Variants in CHCHD3 observed in about 807,000 individuals in gnomAD.
The protein encoded by CHCHD3 is coiled-coil-helix-coiled-coil-helix domain containing 3, also known as MICOS complex subunit MIC19.
Under a neutral mutation model 38.2 loss-of-function variants are expected in CHCHD3, and 20 were observed. That is an observed-to-expected ratio of 0.52 (90% CI 0.37 to 0.76). CHCHD3 has a LOEUF of 0.76. Among genes scored for constraint, CHCHD3 ranks in the 30% least tolerant of loss-of-function variants. The probability of loss-of-function intolerance (pLI) is 0.00; values close to 1 mark genes in which losing one functional copy is unlikely to be tolerated. For missense variants in CHCHD3, 245 were observed against 279.2 expected (o/e 0.88, Z 0.87); for synonymous variants, 82 against 100.0 (o/e 0.82, Z 1.07).
intron 7 of CHCHD3, among the ~76,000 whole-genome samples, chr7:132,786,121 T>A (rs1311302541): frequency 6.6e-6 from 1 of 152,230 alleles, no homozygotes; most frequent in East Asian, 1.9e-4. Context: ...GAGGGTGCAG[T>A]GAGCCATGAT....
At chr7:133,054,026 T>A (rs1814241808) in intron 2 of CHCHD3, among the ~76,000 whole-genome samples, 1 of 152,204 alleles carries the variant, frequency 6.6e-6, no homozygotes, top group Admixed American at 6.5e-5. Flanking sequence ...AGTGCACAAA[T>A]GCTATTTTAA....
chr7:132,875,886 T>G (rs985632765), intron 5 of CHCHD3, among the ~76,000 whole-genome samples: 1 of 152,228 alleles, frequency 6.6e-6, no homozygotes, highest in Non-Finnish European at 1.5e-5. Context: ...ATATGCCAAA[T>G]TCAGATGTGG....
chr7:132,785,281 T>A lies in CHCHD3; in HGVS notation c.*356A>T. 1 of 221,360 alleles carries A rather than the reference T, an allele frequency of 4.5e-6. No homozygotes were observed. 13.7% of individuals were successfully genotyped at this position (221,360 alleles called of 1,614,324 possible). A position where few individuals can be genotyped will look rare whatever the true frequency, so the allele number is the denominator to read the frequency against. ...CCAACCCCATCCTACTTTGTTAGGG[T>A]GGAGGTTCACCAAATGATGGGGCTT... On this transcript the variant is annotated 3_prime_UTR_variant, in exon 8 of 8. Coordinates refer to ENST00000262570, the MANE Select transcript of CHCHD3 (RefSeq NM_017812.4).
chr7:133,035,316 G>A lies in CHCHD3; in HGVS notation c.170-10689C>T. On this transcript the variant is annotated intron_variant, in intron 2 of 7. Coordinates refer to ENST00000262570, the MANE Select transcript of CHCHD3 (RefSeq NM_017812.4). This position sits in a 1 kb window ranked among gnomAD's most constrained non-coding sequence, Gnocchi z 4.7. ...ACACAGTTTCAGTTCCCCCAAGACA[G>A]CCCGGAACTGGGGCTGGTTAATGCA... 1.1e-5 allele frequency: 18 copies of A among 1,611,010 alleles called. No individual in the cohort carries two copies. Among genetic ancestry groups the A allele is most frequent in the Non-Finnish European group, 1.4e-5 (17 of 1,177,230 alleles).
At position 132,885,575 on chromosome 7, in the gene CHCHD3, T is replaced by C. The variant is rs933748300; in HGVS notation, c.453+87A>G. ...GCCACTTTACAACCAGGAAAAGCAG[T>C]TGAAGTTCTAATTTATTAATTTTTA... is the stretch of plus-strand genomic sequence containing the variant. On this transcript the variant is annotated intron_variant, in intron 5 of 7. Coordinates refer to ENST00000262570, the MANE Select transcript of CHCHD3 (RefSeq NM_017812.4). 5.5e-5 allele frequency: 58 copies of C among 1,060,426 alleles called. No homozygotes were observed. The African/African-American group carries it at 7.8e-4, about 14-fold the overall frequency. The allele number at this position is 1,060,426 out of a possible 1,614,324, so 65.7% of individuals were successfully genotyped here.
chr7:133,050,343 A>T (rs1330887750), intron 2 of CHCHD3, among the ~76,000 whole-genome samples: 3 of 92,764 alleles, frequency 3.2e-5, no homozygotes, highest in African/African-American at 1.9e-4. Flanking sequence ...TGTGTCTTAA[A>T]AAAAAAAAAA....
chr7:132,976,770 A>G (rs1811778326), intron 3 of CHCHD3, among the ~76,000 whole-genome samples: 1 of 152,178 alleles, frequency 6.6e-6, no homozygotes, highest in Non-Finnish European at 1.5e-5. Context: ...AAAAAACTAG[A>G]GATAAAATTT....
chr7:132,856,118 C>T lies in CHCHD3; in HGVS notation c.454-17649G>A, dbSNP rs1808337774. ...GATCTTTCAGTCTGGCATGATGTCA[C>T]TTTCTCACATCTTCCATGTGGGCTG... On this transcript the variant is annotated intron_variant, in intron 5 of 7. Transcript: ENST00000262570. 2.6e-5 allele frequency among the ~76,000 whole-genome samples: 4 copies of T among 152,214 alleles called. 1 individual carries two copies. The East Asian group carries it at 7.7e-4, about 29-fold the overall frequency.
At chr7:133,068,275 C>T (rs2117534920) in intron 2 of CHCHD3, among the ~76,000 whole-genome samples, 1 of 152,184 alleles carries the variant, frequency 6.6e-6, no homozygotes, top group East Asian at 1.9e-4. Context: ...CGATAATAAG[C>T]ACTTACTAAG....
At chr7:132,938,642 T>C (rs542682259) in intron 4 of CHCHD3, among the ~76,000 whole-genome samples, 27 of 152,164 alleles carry the variant, frequency 1.8e-4, no homozygotes, top group African/African-American at 6.3e-4. Context: ...CGAATGGAAA[T>C]TGGAATGCAA....
intron 2 of CHCHD3, among the ~76,000 whole-genome samples, chr7:133,058,665 A>G (rs566250290): frequency 5.4e-4 from 83 of 152,302 alleles, no homozygotes; most frequent in African/African-American, 1.9e-3. Flanking sequence ...AGCAATCAAT[A>G]TTTTATCTTA....
At chr7:132,864,532 T>TG (rs1353551078) in intron 5 of CHCHD3, among the ~76,000 whole-genome samples, 4 of 152,302 alleles carry the variant, frequency 2.6e-5, no homozygotes, top group Admixed American at 2.6e-4. Context: ...GCACATGCTT[T>TG]GGGAAAAATG....
chr7:132,915,377 A>C (rs1001972548), intron 4 of CHCHD3, among the ~76,000 whole-genome samples: 2 of 152,122 alleles, frequency 1.3e-5, no homozygotes, highest in Non-Finnish European at 2.9e-5. Context: ...TGGAAGTGGC[A>C]TGTGGAGGGC....
intron 6 of CHCHD3, among the ~76,000 whole-genome samples, chr7:132,821,747 CTTTTTTTTTTTTT>C (rs71178063): frequency 5.0e-5 from 5 of 100,286 alleles, no homozygotes; most frequent in African/African-American, 1.8e-4. Flanking sequence ...GCACTCAAAT[CTTTTTTTTTTTTT>C]TTTTTTTTTT....
Position 132,986,136 on chromosome 7 carries a change from T to G in CHCHD3, c.252-10850A>C, listed in dbSNP as rs149515413. 5.4e-3 allele frequency among the ~76,000 whole-genome samples: 818 copies of G among 150,500 alleles called. 6 individuals are homozygous for G. The highest frequency in any genetic ancestry group is 0.019 in the African/African-American group (781 of 40,742). Reference sequence around the variant, plus strand: ...CCTGTGCTCTCTGAAACAGGTGCTGTGTCCACTCAGGGTTGAATGGATTAA... The same window carrying G: ...CCTGTGCTCTCTGAAACAGGTGCTGGGTCCACTCAGGGTTGAATGGATTAA... On this transcript the variant is annotated intron_variant, in intron 3 of 7. Transcript: ENST00000262570.
At chr7:132,959,255 T>A (rs1351624042) in intron 4 of CHCHD3, among the ~76,000 whole-genome samples, 2 of 152,218 alleles carry the variant, frequency 1.3e-5, no homozygotes, top group African/African-American at 4.8e-5. Context: ...GCAAAGTATG[T>A]ATTACAAATC....
At chr7:132,991,134 T>C (rs1812273384) in intron 3 of CHCHD3, among the ~76,000 whole-genome samples, 1 of 152,256 alleles carries the variant, frequency 6.6e-6, no homozygotes, top group African/African-American at 2.4e-5. Context: ...TTTGAATTTC[T>C]AATCATTTTT....
intron 4 of CHCHD3, among the ~76,000 whole-genome samples, chr7:132,913,802 A>C (rs1810027498): frequency 6.6e-6 from 1 of 152,162 alleles, no homozygotes. Flanking sequence ...ACTGACAATA[A>C]CGTGACACCA....
chr7:133,021,601 T>C (rs920062680), intron 3 of CHCHD3, among the ~76,000 whole-genome samples: 2 of 152,308 alleles, frequency 1.3e-5, no homozygotes, highest in African/African-American at 2.4e-5. Context: ...TTATTTCAAC[T>C]ATGCTGATAG....
Sources: gnomAD v4.1 joint callset for allele counts (sites outside exome capture counted in the v4.1 genomes callset) on GRCh38, gnomAD v4.1.1 for gene constraint, Gnocchi (gnomAD v3.1) non-coding constraint, MANE v1.5 for transcripts, NCBI Gene and HGNC (gene_info 2026-07-23, HGNC 2026-07-21) for gene names.